The following CCSER1 variants were observed in gnomAD, a reference collection of about 807,000 sequenced individuals.
The protein encoded by CCSER1 is coiled-coil serine rich protein 1.
In CCSER1, 41 loss-of-function variants were observed where a neutral mutation model predicts 82.0. That is an observed-to-expected ratio of 0.50 (90% CI 0.39 to 0.65). The LOEUF (loss-of-function observed/expected upper bound fraction) is 0.65, where lower values mean the gene tolerates loss of function less well. CCSER1 is among the 30% of genes least tolerant of loss of function. The pLI is 0.00. For missense variants in CCSER1, 1,119 were observed against 1,064.2 expected, an observed-to-expected ratio of 1.05 and a Z score of -0.72; for synonymous variants, 414 against 383.9, an observed-to-expected ratio of 1.08 and a Z score of -0.92.
At chr4:90,593,632 G>A (rs977948357) in intron 5 of CCSER1, among the ~76,000 whole-genome samples, 1 of 151,874 alleles carries the variant, frequency 6.6e-6, no homozygotes, top group African/African-American at 2.4e-5. Flanking sequence ...CCTCGATAGA[G>A]GCTCTTTAAA....
chr4:90,186,009 T>C (rs1412672732), intron 1 of CCSER1, among the ~76,000 whole-genome samples: 6 of 152,046 alleles, frequency 3.9e-5, no homozygotes, highest in Non-Finnish European at 1.5e-5. Flanking sequence ...CATTTTCATG[T>C]TGAGTTACAA....
intron 1 of CCSER1, among the ~76,000 whole-genome samples, chr4:90,271,848 ATATATATATATATATTTTTTTTTTTTTTT>A (rs1726449911): frequency 4.3e-5 from 1 of 23,352 alleles, no homozygotes; most frequent in African/African-American, 4.0e-4. Flanking sequence ...ATATATATAT[ATATATATATATATATTTTTTTTTTTTTTT>A]TTTTTTTTTT....
intron 8 of CCSER1, among the ~76,000 whole-genome samples, chr4:90,825,449 T>G (rs1432401018): frequency 1.3e-5 from 2 of 152,176 alleles, no homozygotes; most frequent in Non-Finnish European, 2.9e-5. Context: ...ATTTAAGTAG[T>G]CAGTGGGACA....
intron 9 of CCSER1, among the ~76,000 whole-genome samples, chr4:90,979,073 T>A (rs1241029153): frequency 6.6e-6 from 1 of 151,670 alleles, no homozygotes; most frequent in African/African-American, 2.4e-5. Flanking sequence ...CCTTTCATAG[T>A]TCTAAGTTAT....
intron 10 of CCSER1, among the ~76,000 whole-genome samples, chr4:91,417,124 C>T (rs1753413131): frequency 6.6e-6 from 1 of 152,132 alleles, no homozygotes; most frequent in South Asian, 2.1e-4. Flanking sequence ...CATCATTGAT[C>T]ATTAGAGAAA....
At chr4:90,548,824 C>G (rs141309158) in intron 5 of CCSER1, among the ~76,000 whole-genome samples, 248 of 151,894 alleles carry the variant, frequency 1.6e-3, no homozygotes, top group Middle Eastern at 0.01. Flanking sequence ...AGTGATTACT[C>G]TGTACTATTT....
At chr4:90,920,465 G>A (rs17017819) in intron 8 of CCSER1, among the ~76,000 whole-genome samples, 6,909 of 151,870 alleles carry the variant, frequency 0.045, 444 homozygotes, top group African/African-American at 0.14. Context: ...AGTTGTTTAT[G>A]CATATCTTTG....
chr4:90,564,919 A>G (rs1260429516), intron 5 of CCSER1, among the ~76,000 whole-genome samples: 1 of 152,034 alleles, frequency 6.6e-6, no homozygotes, highest in African/African-American at 2.4e-5. Context: ...TTCGTAACTT[A>G]CTATAGCTTT....
intron 1 of CCSER1, among the ~76,000 whole-genome samples, chr4:90,251,154 C>A (rs1242246861): frequency 6.6e-6 from 1 of 151,888 alleles, no homozygotes; most frequent in African/African-American, 2.4e-5. Flanking sequence ...ATTCCCTTTG[C>A]AAATAGAGGT....
rs917422478 is a variant in CCSER1, at chr4:90,157,493, C to T, written c.-42+29662C>T. On this transcript the variant is annotated intron_variant, in intron 1 of 10. Transcript: ENST00000509176. ...TTTTCTAACTTGGTTCCATTCTCCCCGTCACTTTCAGATACACCAATCAGA... is the reference window on the plus strand; with the variant it reads ...TTTTCTAACTTGGTTCCATTCTCCCTGTCACTTTCAGATACACCAATCAGA... Among the ~76,000 whole-genome samples, 76 of 152,296 alleles carry T rather than the reference C, an allele frequency of 5.0e-4. 1 individual carries two copies. Among genetic ancestry groups the T allele is most frequent in the African/African-American group, 1.4e-3 (58 of 41,564 alleles).
chr4:91,225,165 T>TGA (rs1479210836), intron 10 of CCSER1, among the ~76,000 whole-genome samples: 2 of 85,804 alleles, frequency 2.3e-5, no homozygotes, highest in African/African-American at 5.0e-5. Context: ...GATATATATA[T>TGA]GTGTGTGTGT....
At chr4:91,402,300 T>C (rs1752394856) in intron 10 of CCSER1, among the ~76,000 whole-genome samples, 1 of 152,218 alleles carries the variant, frequency 6.6e-6, no homozygotes, top group African/African-American at 2.4e-5. Flanking sequence ...ATTAGCCTTT[T>C]GTCAGATGGG....
chr4:90,825,731 C>CTT (rs747896341), intron 8 of CCSER1, among the ~76,000 whole-genome samples: 56 of 124,276 alleles, frequency 4.5e-4, no homozygotes, highest in Middle Eastern at 4.3e-3. Flanking sequence ...TTTGTTGTTG[C>CTT]TTTTTTTTTT....
intron 9 of CCSER1, among the ~76,000 whole-genome samples, chr4:91,053,913 G>A (rs1743214423): frequency 6.6e-6 from 1 of 152,160 alleles, no homozygotes; most frequent in Non-Finnish European, 1.5e-5. Context: ...GCATGAATGT[G>A]CTACCATGTA....
intron 3 of CCSER1, among the ~76,000 whole-genome samples, chr4:90,335,977 A>G (rs1645570437): frequency 6.6e-6 from 1 of 152,218 alleles, no homozygotes; most frequent in Admixed American, 6.5e-5. Flanking sequence ...TTCTTTCAAT[A>G]TTAAGAACAC....
rs145468300 is a variant in CCSER1 at position 90,524,454 on chromosome 4, T to C, written c.1724+56100T>C. ...ATTCTTGCATTCTTCAGCATGAAGA[T>C]TGTTTTTTTTGTTGTTGTTGTTTGT... is the stretch of plus-strand genomic sequence containing the variant. On this transcript the variant is annotated intron_variant, in intron 5 of 10. Coordinates refer to ENST00000509176, the MANE Select transcript of CCSER1 (RefSeq NM_001145065.2). 4.4e-3 allele frequency among the ~76,000 whole-genome samples: 672 copies of C among 152,120 alleles called. 7 individuals are homozygous for C. Among genetic ancestry groups the C allele is most frequent in the African/African-American group, 0.016 (650 of 41,518 alleles).
chr4:90,643,761 G>T (rs1003777162), intron 6 of CCSER1, among the ~76,000 whole-genome samples: 1 of 152,054 alleles, frequency 6.6e-6, no homozygotes, highest in African/African-American at 2.4e-5. Context: ...ATTTAATTCA[G>T]TTTTGTTTAA....
At chr4:90,750,170 T>G (rs1748354303) in intron 7 of CCSER1, among the ~76,000 whole-genome samples, 1 of 151,940 alleles carries the variant, frequency 6.6e-6, no homozygotes, top group Non-Finnish European at 1.5e-5. Flanking sequence ...TTGGTTGAGT[T>G]CGTTGTAGAT....
chr4:90,977,001 T>G (rs1414041875), intron 9 of CCSER1, among the ~76,000 whole-genome samples: 1 of 151,600 alleles, frequency 6.6e-6, no homozygotes, highest in Admixed American at 6.6e-5. Context: ...CTGTGCTTAA[T>G]AAAAATATAA....
Sources: gnomAD v4.1 joint callset for allele counts (sites outside exome capture counted in the v4.1 genomes callset) on GRCh38, gnomAD v4.1.1 for gene constraint, MANE v1.5 for transcripts, NCBI Gene and HGNC (gene_info 2026-07-23, HGNC 2026-07-21) for gene names.